SORCS3: variants seen among roughly 807,000 people sequenced by gnomAD.
SORCS3 encodes sortilin related VPS10 domain containing receptor 3.
In SORCS3, 57 loss-of-function variants were observed where a neutral mutation model predicts 146.3. The observed-to-expected ratio is 0.39, with a 90% CI of 0.31 to 0.49. The LOEUF (loss-of-function observed/expected upper bound fraction) is 0.49. Ranked by LOEUF, SORCS3 falls within the 20% of genes least tolerant of loss-of-function variation. SORCS3 has a pLI of 0.92. For synonymous variants in SORCS3, 653 were observed against 618.5 expected (o/e 1.06, Z -0.83); for missense variants, 1,341 against 1,575.5 (o/e 0.85, Z 2.52).
At chr10:105,079,907 G>A (rs977644315) in intron 5 of SORCS3, among the ~76,000 whole-genome samples, 1 of 152,162 alleles carries the variant, frequency 6.6e-6, no homozygotes, top group Non-Finnish European at 1.5e-5. Flanking sequence ...TTTTATGGCT[G>A]CATGGTGTAC....
chr10:105,226,655 G>C (rs2056735531), intron 20 of SORCS3, among the ~76,000 whole-genome samples: 1 of 151,982 alleles, frequency 6.6e-6, no homozygotes, highest in Admixed American at 6.6e-5. Context: ...TTGAAAGTTT[G>C]ATAGAATTCA....
At chr10:104,987,223 A>G (rs968795102) in intron 4 of SORCS3, among the ~76,000 whole-genome samples, 1 of 152,126 alleles carries the variant, frequency 6.6e-6, no homozygotes, top group Non-Finnish European at 1.5e-5. Context: ...GGAAGGGAGA[A>G]AAAAGGAATG....
chr10:104,652,939 C>T (rs2015581183), intron 1 of SORCS3, among the ~76,000 whole-genome samples: 1 of 152,182 alleles, frequency 6.6e-6, no homozygotes, highest in African/African-American at 2.4e-5. Flanking sequence ...TTGCAGAGAA[C>T]AGTGTGAGAT....
intron 18 of SORCS3, among the ~76,000 whole-genome samples, chr10:105,216,091 A>G (rs1171169245): frequency 1.3e-5 from 2 of 151,930 alleles, no homozygotes; most frequent in African/African-American, 2.4e-5. Flanking sequence ...GCATCATGTT[A>G]CCAGGTAGTA....
At chr10:104,708,246 G>T (rs2016370328) in intron 1 of SORCS3, among the ~76,000 whole-genome samples, 1 of 152,188 alleles carries the variant, frequency 6.6e-6, no homozygotes, top group Non-Finnish European at 1.5e-5. Flanking sequence ...CGGAACATTA[G>T]CAGCAATTAG....
At chr10:104,938,222 A>G (rs902215575) in intron 3 of SORCS3, among the ~76,000 whole-genome samples, 6 of 152,154 alleles carry the variant, frequency 3.9e-5, no homozygotes, top group African/African-American at 1.4e-4. Context: ...TAAATTTATA[A>G]CCTGGAATGA....
intron 2 of SORCS3, among the ~76,000 whole-genome samples, chr10:104,913,773 T>A (rs1417443065): frequency 6.9e-6 from 1 of 145,424 alleles, no homozygotes; most frequent in Non-Finnish European, 1.5e-5. Context: ...ATTCTTTTTT[T>A]TTTTTTTTTT....
At chr10:104,964,204 G>C (rs1012973644) in intron 3 of SORCS3, among the ~76,000 whole-genome samples, 1 of 152,144 alleles carries the variant, frequency 6.6e-6, no homozygotes, top group African/African-American at 2.4e-5. Flanking sequence ...TATGTAACTT[G>C]TGATAAAGCC....
chr10:105,234,404 TGTCTGTGGTTTGGTG>T (rs1216921340), intron 20 of SORCS3, among the ~76,000 whole-genome samples: 4 of 152,062 alleles, frequency 2.6e-5, no homozygotes, highest in Non-Finnish European at 5.9e-5. Context: ...GAGTTTTGAG[TGTCTGTGGTTTGGTG>T]TCTGACATTA....
intron 2 of SORCS3, among the ~76,000 whole-genome samples, chr10:104,850,955 G>A (rs1266171475): frequency 6.6e-6 from 1 of 152,154 alleles, no homozygotes; most frequent in Non-Finnish European, 1.5e-5. Flanking sequence ...CTGCTAACTT[G>A]CTGTTCACTG....
At chr10:104,674,014 T>C (rs1477221843) in intron 1 of SORCS3, among the ~76,000 whole-genome samples, 1 of 152,224 alleles carries the variant, frequency 6.6e-6, no homozygotes, top group African/African-American at 2.4e-5. Context: ...TCGGTGTCCA[T>C]TTCAATGAAG....
intron 1 of SORCS3, among the ~76,000 whole-genome samples, chr10:104,786,958 T>G (rs989588669): frequency 5.3e-5 from 8 of 152,218 alleles, no homozygotes; most frequent in Non-Finnish European, 1.2e-4. Flanking sequence ...AAATTCCACC[T>G]GCCCATCCTG....
chr10:104,921,485 G>GTCTCTC (rs374928379), intron 3 of SORCS3, among the ~76,000 whole-genome samples: 9 of 146,350 alleles, frequency 6.1e-5, no homozygotes, highest in African/African-American at 1.8e-4. Context: ...AGAGGTACAT[G>GTCTCTC]TCTCTCTCTC....
At chr10:105,217,230 C>T (rs2056670809) in intron 19 of SORCS3, 108 bp downstream of exon 19, 1 of 1,037,332 alleles carries the variant, frequency 9.6e-7, no homozygotes, top group Admixed American at 2.0e-5. Flanking sequence ...GTGACTACTA[C>T]AATTACCCAA....
At chr10:105,182,230 C>CTTTTTTTTTATTTTTTTTTTTT (rs2056446852) in intron 14 of SORCS3, among the ~76,000 whole-genome samples, 1 of 70,486 alleles carries the variant, frequency 1.4e-5, no homozygotes, top group Non-Finnish European at 2.7e-5. Flanking sequence ...TATTCAGCAT[C>CTTTTTTTTTATTTTTTTTTTTT]TTTTTTTTTT....
chr10:105,042,316 ACCTT>A (rs2055343431), intron 4 of SORCS3, among the ~76,000 whole-genome samples: 1 of 152,228 alleles, frequency 6.6e-6, no homozygotes, highest in Admixed American at 6.5e-5. Context: ...TAACTGTCCT[ACCTT>A]CCTTTCAGGA....
intron 1 of SORCS3, chr10:104,666,161 G>A (rs1026347432): frequency 6.6e-6 from 1 of 152,188 alleles, no homozygotes; most frequent in East Asian, 1.9e-4. Context: ...TGGGTGATTC[G>A]GTTTCCCATT....
intron 16 of SORCS3, among the ~76,000 whole-genome samples, chr10:105,205,840 A>G (rs571388693): frequency 3.3e-5 from 5 of 152,308 alleles, no homozygotes; most frequent in East Asian, 3.9e-4. Flanking sequence ...TATTACAGAC[A>G]TTTTACAGAT....
intron 13 of SORCS3, among the ~76,000 whole-genome samples, chr10:105,169,643 C>G (rs995982814): frequency 6.6e-6 from 1 of 152,036 alleles, no homozygotes; most frequent in African/African-American, 2.4e-5. Flanking sequence ...AGGACTCAGA[C>G]GAACTTACAT....
Sources: allele counts gnomAD v4.1 joint callset (sites outside exome capture counted in the v4.1 genomes callset), GRCh38; gene constraint gnomAD v4.1.1; transcripts MANE v1.5; gene names NCBI Gene and HGNC (gene_info 2026-07-23, HGNC 2026-07-21).